Variants in ZNF618 observed in about 807,000 individuals in gnomAD.
ZNF618 encodes zinc finger protein 618, also known as neural precursor cell expressed, developmentally down-regulated 10.
ZNF618 carries 34 observed loss-of-function variants against 103.0 expected under a neutral mutation model. That is an observed-to-expected ratio of 0.33 (90% confidence interval 0.25 to 0.44). The LOEUF (loss-of-function observed/expected upper bound fraction) is 0.44. ZNF618 is among the 20% of genes least tolerant of loss of function. The pLI, the probability that ZNF618 is intolerant of heterozygous loss-of-function variation, is 1.00. For synonymous variants in ZNF618, 551 were observed against 542.2 expected (o/e 1.02, Z -0.23); for missense variants, 1,059 against 1,295.4 (o/e 0.82, Z 2.80).
At chr9:113,912,039 G>A (rs532777237) in intron 1 of ZNF618, among the ~76,000 whole-genome samples, 2 of 152,328 alleles carry the variant, frequency 1.3e-5, no homozygotes, top group South Asian at 2.1e-4. Context: ...TTCAGCAGGT[G>A]TGGGCGGGGC....
rs547270598 is a variant in ZNF618, at chr9:113,988,459, G to A, written c.216G>A (p.Gln72=). ...CAGAGCTGCCCGATGACTACATCCAGGAGGTGATCTGGCAGGGCGAGGCCA... is the reference window on the plus strand; with the variant it reads ...CAGAGCTGCCCGATGACTACATCCAAGAGGTGATCTGGCAGGGCGAGGCCA... ...VKTELPDDYI[Q]EVIWQGEAKE... The change falls in exon 3 of 15, where the codon CAG becomes CAA. Residue 72 remains glutamine (Q), a synonymous_variant. Coordinates refer to ENST00000374126, the MANE Select transcript of ZNF618 (RefSeq NM_001318042.2). 244 of 1,613,676 alleles carry A rather than the reference G, an allele frequency of 1.5e-4. No homozygotes were observed. The South Asian group carries it at 2.6e-3, about 17-fold the overall frequency.
rs1053869475 is a variant in ZNF618 at position 114,016,823 on chromosome 9, C to G, written c.844+39C>G. On this transcript the variant is annotated intron_variant, in intron 10 of 14. Coordinates refer to ENST00000374126, the MANE Select transcript of ZNF618 (RefSeq NM_001318042.2). The stretch of plus-strand genomic sequence containing the variant: ...CCCGGTAGGGATGGGGGTTGGGGGA[C>G]CCGGGACAGGGTGGGCCAGCCGTTG... 7.1e-6 allele frequency: 11 copies of G among 1,552,826 alleles called. No individual in the cohort carries two copies. The African/African-American group carries it at 1.2e-4, about 17-fold the overall frequency.
chr9:114,050,290 C>A lies in ZNF618; in HGVS notation c.*123C>A. On this transcript the variant is annotated 3_prime_UTR_variant, in exon 15 of 15. Coordinates refer to ENST00000374126, the MANE Select transcript of ZNF618 (RefSeq NM_001318042.2). ...ACTGTGGACCTCATTATAAATGCCC[C>A]CTGGAAACTTAAGTGCTTTTTTTAT... 1 of 1,239,938 alleles carries A rather than the reference C, an allele frequency of 8.1e-7. No individual in the cohort carries two copies. Among genetic ancestry groups the A allele is most frequent in the East Asian group, 2.4e-5 (1 of 41,956 alleles). The allele number at this position is 1,239,938 out of a possible 1,614,324, so 76.8% of individuals were successfully genotyped here.
At chr9:113,933,737 G>T (rs1833804476) in intron 1 of ZNF618, among the ~76,000 whole-genome samples, 1 of 152,142 alleles carries the variant, frequency 6.6e-6, no homozygotes, top group African/African-American at 2.4e-5. Flanking sequence ...TTGACTTGGG[G>T]TTTTGCCAGA....
At chr9:113,908,251 C>A (rs965180694) in intron 1 of ZNF618, among the ~76,000 whole-genome samples, 2 of 152,078 alleles carry the variant, frequency 1.3e-5, no homozygotes, top group African/African-American at 4.8e-5. Flanking sequence ...TTACCCACTA[C>A]GAGATTTCAA....
intron 1 of ZNF618, among the ~76,000 whole-genome samples, chr9:113,904,024 T>C (rs187826253): frequency 0.02 from 3,056 of 151,034 alleles, 121 homozygotes; most frequent in African/African-American, 0.07. Context: ...TTTTTTTTTT[T>C]CCAAGGATTC....
chr9:113,958,826 C>T (rs905944387), intron 1 of ZNF618, among the ~76,000 whole-genome samples: 1 of 152,168 alleles, frequency 6.6e-6, no homozygotes, highest in African/African-American at 2.4e-5. Context: ...ACATCTACCC[C>T]CAACTGGTCT....
intron 1 of ZNF618, among the ~76,000 whole-genome samples, chr9:113,932,427 G>A (rs555281752): frequency 6.6e-6 from 1 of 152,134 alleles, no homozygotes; most frequent in Non-Finnish European, 1.5e-5. Flanking sequence ...TTTGAGCAGA[G>A]GTGTTGACAG....
At chr9:113,930,702 C>T (rs958109033) in intron 1 of ZNF618, among the ~76,000 whole-genome samples, 1 of 152,236 alleles carries the variant, frequency 6.6e-6, no homozygotes, top group Non-Finnish European at 1.5e-5. Flanking sequence ...GAAGGAGGCT[C>T]TGATTCCTTG....
intron 3 of ZNF618, among the ~76,000 whole-genome samples, chr9:113,993,938 T>A (rs978167111): frequency 2.6e-5 from 4 of 152,240 alleles, no homozygotes; most frequent in Non-Finnish European, 5.9e-5. Context: ...TCATGGGAAC[T>A]GTTTGGTAAC....
At chr9:113,905,958 G>T (rs961998094) in intron 1 of ZNF618, among the ~76,000 whole-genome samples, 12 of 151,920 alleles carry the variant, frequency 7.9e-5, no homozygotes, top group Admixed American at 7.9e-4. Context: ...CCTCTCTTAG[G>T]GTGTTTTGCC....
intron 10 of ZNF618, among the ~76,000 whole-genome samples, chr9:114,025,313 CT>C (rs1001020251): frequency 3.9e-5 from 6 of 152,260 alleles, no homozygotes; most frequent in African/African-American, 1.2e-4. Flanking sequence ...GGGAAACCCC[CT>C]GGCCTCTCCA....
chr9:113,905,756 C>A (rs1047331010), intron 1 of ZNF618, among the ~76,000 whole-genome samples: 1 of 152,178 alleles, frequency 6.6e-6, no homozygotes, highest in East Asian at 1.9e-4. Context: ...AGCTCATTCT[C>A]CGCATGATTC....
At chr9:113,947,516 G>A (rs1835156025) in intron 1 of ZNF618, among the ~76,000 whole-genome samples, 1 of 152,132 alleles carries the variant, frequency 6.6e-6, no homozygotes, top group Non-Finnish European at 1.5e-5. Flanking sequence ...GTCCTGCACA[G>A]GGCCTGACAC....
Position 113,963,227 on chromosome 9 carries a change from T to C in ZNF618, c.34-5890T>C, listed in dbSNP as rs986073391. Among the ~76,000 whole-genome samples, 5 of 152,238 alleles carry C rather than the reference T, an allele frequency of 3.3e-5. No homozygotes were observed. In the East Asian group the frequency reaches 9.6e-4, roughly 29 times the overall value. ...CAGTGCCCCCTGCAGGCCTCCAGGT[T>C]AAATGCACTTGGTTGCACCCACTGC... On this transcript the variant is annotated intron_variant, in intron 1 of 14. Coordinates refer to ENST00000374126, the MANE Select transcript of ZNF618 (RefSeq NM_001318042.2).
chr9:113,918,361 G>A (rs1252246484), intron 1 of ZNF618, among the ~76,000 whole-genome samples: 1 of 152,134 alleles, frequency 6.6e-6, no homozygotes, highest in African/African-American at 2.4e-5. Context: ...ATTAATAAGT[G>A]TTTTGTGTGG....
intron 1 of ZNF618, among the ~76,000 whole-genome samples, chr9:113,901,935 C>T (rs1011863290): frequency 9.2e-5 from 14 of 152,090 alleles, no homozygotes; most frequent in Non-Finnish European, 1.8e-4. Flanking sequence ...CGCTGAGCAT[C>T]TGTGGCCTTG....
intron 1 of ZNF618, among the ~76,000 whole-genome samples, chr9:113,944,072 C>T (rs1834785031): frequency 6.6e-6 from 1 of 152,186 alleles, no homozygotes; most frequent in Admixed American, 6.5e-5. Flanking sequence ...TTTGCCCCTG[C>T]TCACACCTCG....
chr9:114,056,554 T>C lies in ZNF618; in HGVS notation c.*6387T>C, dbSNP rs1438879135. The C allele has an allele frequency of 1.3e-5, 2 of 152,278 alleles. No homozygotes were observed. Among genetic ancestry groups the C allele is most frequent in the Non-Finnish European group, 2.9e-5 (2 of 68,054 alleles). 9.4% of individuals were successfully genotyped at this position (152,278 alleles called of 1,614,324 possible). A position where few individuals can be genotyped will look rare whatever the true frequency, so the allele number is the denominator to read the frequency against. Reference sequence around the variant, plus strand: ...AGTTGCTTAAATGATTTCATGTCAGTGTTGTATTTATGGTTTTACAATAAA... The same window carrying C: ...AGTTGCTTAAATGATTTCATGTCAGCGTTGTATTTATGGTTTTACAATAAA... On this transcript the variant is annotated 3_prime_UTR_variant, in exon 15 of 15. Coordinates refer to ENST00000374126, the MANE Select transcript of ZNF618 (RefSeq NM_001318042.2).
Sources: gnomAD v4.1 joint callset for allele counts (sites outside exome capture counted in the v4.1 genomes callset) on GRCh38, gnomAD v4.1.1 for gene constraint, MANE v1.5 for transcripts, NCBI Gene and HGNC (gene_info 2026-07-23, HGNC 2026-07-21) for gene names.